DGKI: variants seen among roughly 807,000 people sequenced by gnomAD.
DGKI encodes the protein DAG kinase iota.
A neutral mutation model predicts 147.5 loss-of-function variants in DGKI; 55 were observed. That is an observed-to-expected ratio of 0.37 (90% CI 0.30 to 0.47). The LOEUF (loss-of-function observed/expected upper bound fraction) is 0.47. DGKI is among the 20% of genes least tolerant of loss of function. DGKI has a pLI of 1.00. For missense variants in DGKI, 1,007 were observed against 1,323.8 expected (o/e 0.76, Z 3.71); for synonymous variants, 469 against 477.1 (o/e 0.98, Z 0.22).
chr7:137,412,339 T>A, intron 28 of DGKI, 132 bp from the exon 29 acceptor site: 1 of 843,702 alleles, frequency 1.2e-6, no homozygotes, highest in Non-Finnish European at 1.9e-6. Flanking sequence ...AATATCTTGG[T>A]GAAGCAGACC....
intron 1 of DGKI, among the ~76,000 whole-genome samples, chr7:137,845,051 C>T (rs532910109): frequency 6.6e-6 from 1 of 152,168 alleles, no homozygotes; most frequent in Non-Finnish European, 1.5e-5. Context: ...TTTTTAGAAA[C>T]CAAAGTATAA....
intron 27 of DGKI, 117 bp from the exon 28 acceptor site, chr7:137,444,219 G>T (rs1348121382): frequency 1.6e-6 from 1 of 627,632 alleles, no homozygotes; most frequent in South Asian, 2.3e-5. Flanking sequence ...CAATATAGTA[G>T]ACAGTGTAAT....
intron 32 of DGKI, 121 bp downstream of exon 32, chr7:137,395,477 C>T: frequency 1.2e-6 from 1 of 849,266 alleles, no homozygotes; most frequent in South Asian, 1.7e-5. Flanking sequence ...CCTCCTTTTT[C>T]CAAAGCCCCA....
At chr7:137,763,007 C>T (rs1795906849) in intron 1 of DGKI, among the ~76,000 whole-genome samples, 1 of 152,214 alleles carries the variant, frequency 6.6e-6, no homozygotes, top group Non-Finnish European at 1.5e-5. Context: ...TTTCATATCA[C>T]TTAGCATTTT....
At chr7:137,599,409 ACTCT>A (rs899094821) in intron 11 of DGKI, among the ~76,000 whole-genome samples, 1 of 151,232 alleles carries the variant, frequency 6.6e-6, no homozygotes, top group Admixed American at 6.6e-5. Context: ...ACACACACAC[ACTCT>A]CTCTTTTCAG....
At chr7:137,805,114 C>T (rs982782794) in intron 1 of DGKI, among the ~76,000 whole-genome samples, 3 of 152,140 alleles carry the variant, frequency 2.0e-5, no homozygotes, top group Non-Finnish European at 4.4e-5. Context: ...GCTATTTTGC[C>T]AAGATGTTTT....
intron 28 of DGKI, among the ~76,000 whole-genome samples, chr7:137,423,820 A>G (rs1812674404): frequency 6.6e-6 from 1 of 152,208 alleles, no homozygotes; most frequent in Non-Finnish European, 1.5e-5. Flanking sequence ...AAATGTCAAG[A>G]GCATACCCTC....
intron 6 of DGKI, among the ~76,000 whole-genome samples, chr7:137,626,769 T>C (rs1377501108): frequency 6.6e-6 from 1 of 152,120 alleles, no homozygotes; most frequent in Non-Finnish European, 1.5e-5. Context: ...TCACCTCCCA[T>C]CCGGATTTTT....
intron 3 of DGKI, among the ~76,000 whole-genome samples, chr7:137,663,493 C>A (rs936136149): frequency 6.6e-6 from 1 of 152,218 alleles, no homozygotes; most frequent in African/African-American, 2.4e-5. Flanking sequence ...TAGGCACCGA[C>A]GCCTCTGAAA....
intron 1 of DGKI, among the ~76,000 whole-genome samples, chr7:137,783,443 A>T (rs868705873): frequency 2.6e-5 from 4 of 152,236 alleles, no homozygotes; most frequent in Non-Finnish European, 5.9e-5. Context: ...AAAGAATTTT[A>T]AAAAATGAAC....
At chr7:137,822,568 G>A (rs1385251278) in intron 1 of DGKI, among the ~76,000 whole-genome samples, 1 of 152,138 alleles carries the variant, frequency 6.6e-6, no homozygotes, top group Admixed American at 6.5e-5. Flanking sequence ...TGAAGCATAA[G>A]TCACAGACAT....
At chr7:137,742,199 G>T (rs753556104) in intron 1 of DGKI, among the ~76,000 whole-genome samples, 1 of 152,130 alleles carries the variant, frequency 6.6e-6, no homozygotes, top group Non-Finnish European at 1.5e-5. Context: ...TGGCTCAGAG[G>T]TTGTTCCCAA....
intron 20 of DGKI, among the ~76,000 whole-genome samples, chr7:137,540,366 A>G (rs1424424413): frequency 6.6e-6 from 1 of 152,220 alleles, no homozygotes; most frequent in Non-Finnish European, 1.5e-5. Context: ...CAAAAGAAAG[A>G]AAAGGCATAA....
At chr7:137,466,522 C>T (rs1185046773) in intron 25 of DGKI, among the ~76,000 whole-genome samples, 1 of 151,952 alleles carries the variant, frequency 6.6e-6, no homozygotes, top group African/African-American at 2.4e-5. Flanking sequence ...CAGGGATTGG[C>T]GAACTGAAAC....
intron 1 of DGKI, among the ~76,000 whole-genome samples, chr7:137,691,179 AG>A (rs150495572): frequency 0.019 from 2,923 of 152,332 alleles, 96 homozygotes; most frequent in African/African-American, 0.068. Context: ...TGTGCACTAA[AG>A]TTCTTAGACT....
intron 8 of DGKI, 55 bp from the exon 9 acceptor site, chr7:137,609,664 C>T: frequency 1.3e-5 from 17 of 1,323,026 alleles, no homozygotes; most frequent in Non-Finnish European, 1.7e-5. Context: ...CAGGAGCTTT[C>T]CCATGCAGAA....
At chr7:137,579,450 AAG>A (rs1491088353) in intron 15 of DGKI, among the ~76,000 whole-genome samples, 7 of 146,052 alleles carry the variant, frequency 4.8e-5, no homozygotes, top group African/African-American at 1.9e-4. Flanking sequence ...AAAAAAAAAA[AAG>A]AAAGAAAAAA....
chr7:137,711,909 G>A (rs902323348), intron 1 of DGKI, among the ~76,000 whole-genome samples: 10 of 151,598 alleles, frequency 6.6e-5, no homozygotes, highest in African/African-American at 2.4e-4. Flanking sequence ...GGCCAGGATG[G>A]TCTCAATCTC....
chr7:137,575,335 C>A (rs1234806387), intron 17 of DGKI, among the ~76,000 whole-genome samples: 1 of 152,128 alleles, frequency 6.6e-6, no homozygotes, highest in African/African-American at 2.4e-5. Flanking sequence ...GGCCTCTCTG[C>A]AAGCATCTTT....
Sources: gnomAD v4.1 joint callset for allele counts (sites outside exome capture counted in the v4.1 genomes callset) on GRCh38, gnomAD v4.1.1 for gene constraint, MANE v1.5 for transcripts, NCBI Gene and HGNC (gene_info 2026-07-23, HGNC 2026-07-21) for gene names.